Variants in AGBL1 observed in about 807,000 individuals in gnomAD.
AGBL1 encodes cytosolic carboxypeptidase 4.
AGBL1 carries 130 observed loss-of-function variants against 118.9 expected under a neutral mutation model. The ratio of observed to expected loss-of-function variants is 1.09; its 90% CI spans 0.95 to 1.26. The LOEUF is 1.26. Ranked by LOEUF, AGBL1 falls within the 50% of genes most tolerant of loss-of-function variation. The pLI is 0.00. For synonymous variants in AGBL1, 555 were observed against 478.9 expected (o/e 1.16, Z -2.08); for missense variants, 1,584 against 1,298.1 (o/e 1.22, Z -3.38).
intron 5 of AGBL1, among the ~76,000 whole-genome samples, chr15:86,171,829 G>A (rs1424313899): frequency 6.6e-6 from 1 of 152,156 alleles, no homozygotes; most frequent in East Asian, 1.9e-4. Context: ...AGAAATTGTG[G>A]TATAAATATA....
rs548213333 is a variant in AGBL1 at position 86,774,004 on chromosome 15, T to G, written c.3158+99568T>G. ...GGATGTGGGTGTCGGCAAGCCCCAATGACCCACATTCAGAAGTATTTGTCT... is the reference window on the plus strand; with the variant it reads ...GGATGTGGGTGTCGGCAAGCCCCAAGGACCCACATTCAGAAGTATTTGTCT... On this transcript the variant is annotated intron_variant, in intron 22 of 22. Coordinates refer to ENST00000614907, the MANE Select transcript of AGBL1 (RefSeq NM_001386094.1). 3.3e-5 allele frequency among the ~76,000 whole-genome samples: 5 copies of G among 152,178 alleles called. No homozygotes were observed. The East Asian group carries it at 5.8e-4, about 18-fold the overall frequency.
chr15:86,646,509 C>T (rs890092786), intron 21 of AGBL1, among the ~76,000 whole-genome samples: 3 of 152,154 alleles, frequency 2.0e-5, no homozygotes, highest in African/African-American at 7.2e-5. Flanking sequence ...CCCTGCCTAA[C>T]CTGAGAGGAA....
intron 22 of AGBL1, among the ~76,000 whole-genome samples, chr15:86,683,666 A>G (rs1324200269): frequency 6.6e-6 from 1 of 152,202 alleles, no homozygotes; most frequent in African/African-American, 2.4e-5. Flanking sequence ...ACCTGAAAAT[A>G]GAATAGGCTA....
chr15:86,976,989 CTT>C (rs758681790), intron 23 of AGBL1, among the ~76,000 whole-genome samples: 4 of 151,934 alleles, frequency 2.6e-5, no homozygotes, highest in South Asian at 4.2e-4. Flanking sequence ...TTGTTGATGT[CTT>C]TTAATTTTGA....
intron 22 of AGBL1, among the ~76,000 whole-genome samples, chr15:86,828,653 C>T (rs1055177753): frequency 6.6e-6 from 1 of 152,224 alleles, no homozygotes; most frequent in African/African-American, 2.4e-5. Flanking sequence ...GGGACCAGCG[C>T]TTCTGACACC....
chr15:87,020,193 G>T (rs960782286), intron 24 of AGBL1, among the ~76,000 whole-genome samples: 5 of 151,788 alleles, frequency 3.3e-5, no homozygotes, highest in Non-Finnish European at 5.9e-5. Flanking sequence ...ACAAACAAGA[G>T]CTGGTACAAT....
At chr15:86,632,801 T>TTTTGG (rs1555432244) in intron 21 of AGBL1, among the ~76,000 whole-genome samples, 12 of 151,618 alleles carry the variant, frequency 7.9e-5, no homozygotes, top group African/African-American at 9.7e-5. Context: ...GCCAGCGTAG[T>TTTTGG]TTTGTTTTTG....
chr15:86,529,465 AC>A (rs1459146642), intron 19 of AGBL1, among the ~76,000 whole-genome samples: 14 of 134,970 alleles, frequency 1.0e-4, no homozygotes, highest in African/African-American at 1.1e-4. Context: ...ATGTGAAAAG[AC>A]CAAATCTACG....
At chr15:86,457,663 GAGA>G (rs1242843265) in intron 18 of AGBL1, among the ~76,000 whole-genome samples, 4 of 152,128 alleles carry the variant, frequency 2.6e-5, no homozygotes, top group Non-Finnish European at 5.9e-5. Context: ...AAGTGCTCTG[GAGA>G]AGAAGTCCAA....
chr15:86,692,065 G>A (rs79755403), intron 22 of AGBL1, among the ~76,000 whole-genome samples: 1,729 of 152,010 alleles, frequency 0.011, 26 homozygotes, highest in East Asian at 0.07. Context: ...ATGAGGTAAG[G>A]GTTGTAAAAC....
At chr15:86,756,709 A>G (rs569194655) in intron 22 of AGBL1, among the ~76,000 whole-genome samples, 1 of 152,214 alleles carries the variant, frequency 6.6e-6, no homozygotes, top group Admixed American at 6.6e-5. Context: ...AACCTGGAGC[A>G]TCATGGGAGT....
chr15:86,969,169 G>A (rs566566980), intron 23 of AGBL1, among the ~76,000 whole-genome samples: 1 of 151,994 alleles, frequency 6.6e-6, no homozygotes, highest in Non-Finnish European at 1.5e-5. Context: ...AAAGTTCAAA[G>A]TCTCATCTAA....
chr15:86,999,171 A>G (rs898909765), intron 24 of AGBL1, among the ~76,000 whole-genome samples: 1 of 149,710 alleles, frequency 6.7e-6, no homozygotes, highest in African/African-American at 2.5e-5. Context: ...ACGTCCCTAC[A>G]AAAGACATGA....
chr15:86,887,350 G>A (rs1271535132), intron 22 of AGBL1, among the ~76,000 whole-genome samples: 2 of 152,004 alleles, frequency 1.3e-5, no homozygotes, highest in Non-Finnish European at 1.5e-5. Context: ...TCAATTCTAA[G>A]GATAAGCATC....
chr15:86,679,528 C>A (rs920693578), intron 22 of AGBL1, among the ~76,000 whole-genome samples: 1 of 151,972 alleles, frequency 6.6e-6, no homozygotes, highest in Non-Finnish European at 1.5e-5. Context: ...TAATTTTTGA[C>A]CATCAGCTTT....
chr15:86,879,833 A>G (rs1165689498), intron 22 of AGBL1, among the ~76,000 whole-genome samples: 3 of 152,176 alleles, frequency 2.0e-5, no homozygotes. Flanking sequence ...GGCAGCAGCC[A>G]CATCATCTTT....
intron 1 of AGBL1, chr15:86,083,244 T>C (rs981091791): frequency 2.0e-5 from 3 of 151,982 alleles, no homozygotes; most frequent in Admixed American, 6.6e-5. Context: ...CTCCATGTGG[T>C]TTGAGCTAAT....
At chr15:86,712,704 C>A (rs1264081749) in intron 22 of AGBL1, among the ~76,000 whole-genome samples, 1 of 152,124 alleles carries the variant, frequency 6.6e-6, no homozygotes, top group African/African-American at 2.4e-5. Context: ...GGATACGGGC[C>A]TTTTGTAAGG....
intron 1 of AGBL1, among the ~76,000 whole-genome samples, chr15:86,090,360 A>T (rs1895940520): frequency 6.6e-6 from 1 of 152,188 alleles, no homozygotes; most frequent in African/African-American, 2.4e-5. Context: ...GGGAGGAAAA[A>T]TCCCCCTATT....
Sources: gnomAD v4.1 joint callset for allele counts (sites outside exome capture counted in the v4.1 genomes callset) on GRCh38, gnomAD v4.1.1 for gene constraint, MANE v1.5 for transcripts, NCBI Gene and HGNC (gene_info 2026-07-23, HGNC 2026-07-21) for gene names.